The following FOXJ3 variants were observed in gnomAD, a reference collection of about 807,000 sequenced individuals.
The protein encoded by FOXJ3 is forkhead box J3.
FOXJ3 carries 22 observed loss-of-function variants against 76.1 expected under a neutral mutation model. The ratio of observed to expected loss-of-function variants is 0.29; its 90% CI spans 0.21 to 0.41. The LOEUF (loss-of-function observed/expected upper bound fraction) is 0.41. FOXJ3 is among the 10% of genes least tolerant of loss of function. The probability of loss-of-function intolerance (pLI) is 1.00; values close to 1 mark genes in which losing one functional copy is unlikely to be tolerated. For missense variants in FOXJ3, 613 were observed against 762.1 expected (o/e 0.80, Z 2.30); for synonymous variants, 269 against 261.2 (o/e 1.03, Z -0.29).
intron 4 of FOXJ3, among the ~76,000 whole-genome samples, chr1:42,237,423 T>TAC (rs1648756469): frequency 1.7e-5 from 2 of 116,744 alleles, no homozygotes; most frequent in African/African-American, 5.8e-5. Flanking sequence ...TATATATATA[T>TAC]ATATACATAC....
At chr1:42,216,007 T>C (rs996605154) in intron 5 of FOXJ3, among the ~76,000 whole-genome samples, 1 of 151,984 alleles carries the variant, frequency 6.6e-6, no homozygotes, top group Non-Finnish European at 1.5e-5. Context: ...AAAATTTATA[T>C]AACATATCAT....
Position 42,214,323 on chromosome 1 carries a change from CA to C in FOXJ3, c.529-8461del, listed in dbSNP as rs76076053. 1.6e-4 allele frequency among the ~76,000 whole-genome samples: 25 copies of C among 152,192 alleles called. No homozygotes were observed. The East Asian group carries it at 4.2e-3, about 26-fold the overall frequency. The stretch of plus-strand genomic sequence containing the variant: ...GCACTGATTCTATATTCTTAATAGG[CA>C]AAAAGTAGTCTGATCGGTAAAGCCA... On this transcript the variant is annotated intron_variant, in intron 5 of 12. Coordinates refer to ENST00000361346, the MANE Select transcript of FOXJ3 (RefSeq NM_014947.5).
chr1:42,215,147 T>C (rs566787069), intron 5 of FOXJ3, among the ~76,000 whole-genome samples: 3 of 152,140 alleles, frequency 2.0e-5, no homozygotes, highest in Admixed American at 2.0e-4. Context: ...GAAAGGGAAA[T>C]CTACAGATGC....
chr1:42,290,337 TAAAC>T (rs917810687), intron 2 of FOXJ3, among the ~76,000 whole-genome samples: 24 of 152,130 alleles, frequency 1.6e-4, no homozygotes, highest in Admixed American at 7.2e-4. Flanking sequence ...AGTTAATATC[TAAAC>T]AAACAGACCT....
In FOXJ3 at chr1:42,194,833, T is replaced by A. The variant is rs756993749; in HGVS notation, c.934+57A>T. 8.0e-6 allele frequency: 9 copies of A among 1,128,170 alleles called. No individual in the cohort carries two copies. In the East Asian group the frequency reaches 2.2e-4, roughly 27 times the overall value. 69.9% of individuals were successfully genotyped at this position (1,128,170 alleles called of 1,614,324 possible). On this transcript the variant is annotated intron_variant, in intron 8 of 12. Transcript: ENST00000361346. ...GTATAACAGCTGCCATGTGAAATAA[T>A]TTAAAAACCTTTTTCCAATAAAACT... is the stretch of plus-strand genomic sequence containing the variant.
chr1:42,218,091 A>G (rs773232067), intron 5 of FOXJ3, among the ~76,000 whole-genome samples: 22 of 152,210 alleles, frequency 1.4e-4, no homozygotes, highest in African/African-American at 2.4e-5. Flanking sequence ...TCAGTTCTAC[A>G]GCTAAGAGTA....
chr1:42,330,069 A>T (rs562323646), intron 1 of FOXJ3, among the ~76,000 whole-genome samples: 54 of 152,300 alleles, frequency 3.5e-4, no homozygotes, highest in Non-Finnish European at 6.0e-4. Context: ...CAACTACAAT[A>T]AACTTATAAA....
chr1:42,278,431 T>C lies in FOXJ3; in HGVS notation c.286A>G (p.Lys96Glu), dbSNP rs765503304. The C allele has an allele frequency of 1.2e-6, 2 of 1,613,936 alleles. No homozygotes were observed. Among genetic ancestry groups the C allele is most frequent in the African/African-American group, 2.7e-5 (2 of 74,934 alleles). ...ATTTCACTTAAAGTCATTTTCTTTT[T>C]GGGTGAGCTATTAATTGCAAATGTA... Reference protein sequence around the residue: ...LITFAINSSPKKKMTLSEIYQ... With the variant: ...LITFAINSSPEKKMTLSEIYQ... Residue 96 changes from lysine to glutamate, a missense_variant, in exon 3 of 13, where the codon AAA (lysine) becomes GAA (glutamate). Coordinates refer to ENST00000361346, the MANE Select transcript of FOXJ3 (RefSeq NM_014947.5).
intron 2 of FOXJ3, among the ~76,000 whole-genome samples, chr1:42,297,482 G>A (rs1653862582): frequency 6.6e-6 from 1 of 152,146 alleles, no homozygotes; most frequent in African/African-American, 2.4e-5. Context: ...AGCGATGTTG[G>A]ATTTTATCAA....
intron 2 of FOXJ3, among the ~76,000 whole-genome samples, chr1:42,310,450 CTTT>C (rs774256648): frequency 4.6e-5 from 6 of 130,128 alleles, no homozygotes; most frequent in Admixed American, 7.7e-5. Context: ...GGGCTTTTTT[CTTT>C]TTTTTTTTTT....
At chr1:42,311,222 A>T in intron 1 of FOXJ3, 112 bp from the exon 2 acceptor site, 2 of 668,864 alleles carry the variant, frequency 3.0e-6, no homozygotes, top group Non-Finnish European at 5.0e-6. Context: ...ATGTTCTACT[A>T]AAGAATTCTA....
chr1:42,276,793 ATAC>A (rs1652296911), intron 3 of FOXJ3, among the ~76,000 whole-genome samples: 1 of 152,200 alleles, frequency 6.6e-6, no homozygotes, highest in Admixed American at 6.5e-5. Context: ...CCATTAAGAC[ATAC>A]TTATATTATC....
chr1:42,183,242 TGAGACCCTGTCAAAAGA>T (rs1646360555), intron 11 of FOXJ3, among the ~76,000 whole-genome samples: 1 of 135,658 alleles, frequency 7.4e-6, no homozygotes, highest in African/African-American at 2.9e-5. Flanking sequence ...GTTAATAGAG[TGAGACCCTGTCAAAAGA>T]GAAGAGAGAG....
chr1:42,315,910 C>A (rs568466823), intron 1 of FOXJ3, among the ~76,000 whole-genome samples: 1 of 152,282 alleles, frequency 6.6e-6, no homozygotes, highest in East Asian at 1.9e-4. Context: ...AATGACACAA[C>A]CAGAATGAGT....
chr1:42,287,145 C>T (rs1337265319), intron 2 of FOXJ3, among the ~76,000 whole-genome samples: 1 of 151,416 alleles, frequency 6.6e-6, no homozygotes, highest in African/African-American at 2.4e-5. Context: ...TGGAGACCAG[C>T]CTGGCCAACA....
chr1:42,311,831 A>AT (rs1405810365), intron 1 of FOXJ3, among the ~76,000 whole-genome samples: 2 of 152,238 alleles, frequency 1.3e-5, no homozygotes, highest in African/African-American at 4.8e-5. Flanking sequence ...TACCACCCAC[A>AT]TAACTTTATT....
At chr1:42,334,393 T>TC (rs1379237720) in intron 1 of FOXJ3, among the ~76,000 whole-genome samples, 1 of 151,952 alleles carries the variant, frequency 6.6e-6, no homozygotes, top group Admixed American at 6.5e-5. Flanking sequence ...ACCTCCCTCC[T>TC]CACCAGCTGC....
chr1:42,257,756 A>G (rs2124601402), intron 4 of FOXJ3, among the ~76,000 whole-genome samples: 1 of 151,860 alleles, frequency 6.6e-6, no homozygotes, highest in South Asian at 2.1e-4. Flanking sequence ...AAAAAGAAAG[A>G]AAAGAAAATG....
At position 42,277,049 on chromosome 1, in the gene FOXJ3, G is replaced by C. The variant is rs140841807; in HGVS notation, c.369+1299C>G. On this transcript the variant is annotated intron_variant, in intron 3 of 12. Coordinates refer to ENST00000361346, the MANE Select transcript of FOXJ3 (RefSeq NM_014947.5). ...TGATAATTGTACTATGGTTATGTAAGATGTTAACATTAGAAGAAGCTGATG... is the reference window on the plus strand; with the variant it reads ...TGATAATTGTACTATGGTTATGTAACATGTTAACATTAGAAGAAGCTGATG... 4.6e-3 allele frequency among the ~76,000 whole-genome samples: 701 copies of C among 152,308 alleles called. 5 individuals carry two copies. The highest frequency in any genetic ancestry group is 0.016 in the African/African-American group (668 of 41,558).
Sources: allele counts gnomAD v4.1 joint callset (sites outside exome capture counted in the v4.1 genomes callset), GRCh38; gene constraint gnomAD v4.1.1; transcripts MANE v1.5; gene names NCBI Gene and HGNC (gene_info 2026-07-23, HGNC 2026-07-21).